The following PTGFRN variants were observed in gnomAD, a reference collection of about 807,000 sequenced individuals.
PTGFRN encodes the protein prostaglandin F2 receptor negative regulator.
A neutral mutation model predicts 83.2 loss-of-function variants in PTGFRN; 35 were observed. The ratio of observed to expected loss-of-function variants is 0.42; its 90% CI spans 0.32 to 0.56. The LOEUF is 0.56. PTGFRN is among the 20% of genes least tolerant of loss of function. The pLI, the probability that PTGFRN is intolerant of heterozygous loss-of-function variation, is 0.11. For missense variants in PTGFRN, 1,051 were observed against 1,179.5 expected (o/e 0.89, Z 1.60); for synonymous variants, 519 against 498.6 (o/e 1.04, Z -0.55).
At chr1:116,919,029 A>G (rs1649475295) in intron 1 of PTGFRN, among the ~76,000 whole-genome samples, 1 of 152,212 alleles carries the variant, frequency 6.6e-6, no homozygotes, top group African/African-American at 2.4e-5. Context: ...CTAGGAAAGT[A>G]GGAGGTGAGG....
Position 116,987,078 on chromosome 1 carries a change from A to G in PTGFRN, c.*111A>G. On this transcript the variant is annotated 3_prime_UTR_variant, in exon 9 of 9. Coordinates refer to ENST00000393203, the MANE Select transcript of PTGFRN (RefSeq NM_020440.4). ...TTACACTAAAAACCAGTCCTCTCTA[A>G]TCTCAGGTGGGACTTGGCGCTCTCT... 1.5e-6 allele frequency: 2 copies of G among 1,313,194 alleles called. No homozygotes were observed. Among genetic ancestry groups the G allele is most frequent in the Non-Finnish European group, 2.1e-6 (2 of 949,586 alleles). 81.3% of individuals were successfully genotyped at this position (1,313,194 alleles called of 1,614,324 possible).
At chr1:116,966,575 T>G (rs957497376) in intron 5 of PTGFRN, among the ~76,000 whole-genome samples, 2 of 152,208 alleles carry the variant, frequency 1.3e-5, no homozygotes, top group South Asian at 2.1e-4. Context: ...TATAGGAGTG[T>G]CCTCTGCCTT....
chr1:116,973,875 A>G (rs1424531827), intron 6 of PTGFRN, among the ~76,000 whole-genome samples: 2 of 152,190 alleles, frequency 1.3e-5, no homozygotes, highest in Non-Finnish European at 2.9e-5. Context: ...CTGGCCTAGA[A>G]GTGAACCATG....
Position 116,957,151 on chromosome 1 carries a change from CTGTGTGTG to C in PTGFRN, c.1214-4074_1214-4067del, listed in dbSNP as rs57827917. Among the ~76,000 whole-genome samples the C allele has an allele frequency of 1.4e-4, 20 of 146,912 alleles. 1 individual carries two copies. Among genetic ancestry groups the C allele is most frequent in the Middle Eastern group, 7.1e-3 (2 of 282 alleles). On this transcript the variant is annotated intron_variant, in intron 4 of 8. Transcript: ENST00000393203. ...TTTCTCTCTCTCTCTCGCTGGCTCGCTGTGTGTGTGTGTGTGTGTGTGTGTTTGTGTTT... is the reference window on the plus strand; with the variant it reads ...TTTCTCTCTCTCTCTCGCTGGCTCGCTGTGTGTGTGTGTGTGTTTGTGTTT...
At chr1:116,914,966 A>G (rs1452324485) in intron 1 of PTGFRN, among the ~76,000 whole-genome samples, 1 of 152,096 alleles carries the variant, frequency 6.6e-6, no homozygotes, top group African/African-American at 2.4e-5. Context: ...TCTGGTATTT[A>G]TTCCTCACAA....
chr1:116,950,389 A>G (rs1650311949), intron 4 of PTGFRN, among the ~76,000 whole-genome samples: 1 of 152,090 alleles, frequency 6.6e-6, no homozygotes, highest in Non-Finnish European at 1.5e-5. Context: ...CCCCACCTCC[A>G]TTATTACAGA....
chr1:116,939,756 C>G (rs900240731), intron 1 of PTGFRN, among the ~76,000 whole-genome samples: 1 of 152,198 alleles, frequency 6.6e-6, no homozygotes, highest in Non-Finnish European at 1.5e-5. Flanking sequence ...TGCTCTGCTT[C>G]CCTTATAAAA....
Position 116,944,686 on chromosome 1 carries a change from C to T in PTGFRN, c.426C>T (p.Ala142=), listed in dbSNP as rs889845385. 8 of 1,425,504 alleles carry T rather than the reference C, an allele frequency of 5.6e-6. No individual in the cohort carries two copies. The South Asian group carries it at 8.1e-5, about 14-fold the overall frequency. The allele number at this position is 1,425,504 out of a possible 1,614,324, so 88.3% of individuals were successfully genotyped here. ...AGCTTTCTCTCTCCGCAGTGCTGGC[C>T]GACTCCCTGCACGTGGGCCCCAGCG... ...YEDTVQVKVL[A]DSLHVGPSAR... is the part of the protein sequence containing the mutation. The change falls in exon 3 of 9, where the codon GCC becomes GCT. Residue 142 remains alanine (A), a synonymous_variant. Coordinates refer to ENST00000393203, the MANE Select transcript of PTGFRN (RefSeq NM_020440.4).
intron 4 of PTGFRN, among the ~76,000 whole-genome samples, chr1:116,953,804 T>C (rs1570663931): frequency 6.6e-6 from 1 of 151,690 alleles, no homozygotes; most frequent in East Asian, 1.9e-4. Context: ...CTTTTCCTTC[T>C]CTGGGAGGAG....
In PTGFRN at chr1:116,958,956, T is replaced by C. The variant is rs1250019582; in HGVS notation, c.1214-2287T>C. On this transcript the variant is annotated intron_variant, in intron 4 of 8. Transcript: ENST00000393203. This position sits in a 1 kb window ranked among gnomAD's most constrained non-coding sequence, Gnocchi z 4.9. ...ACTGCTGGCTGCTGCCTACAGATAG[T>C]TGATGCTCAGTGTTCTGGGGCAGTC... Among the ~76,000 whole-genome samples the C allele has an allele frequency of 1.3e-5, 2 of 152,222 alleles. No individual in the cohort carries two copies. The highest frequency in any genetic ancestry group is 2.9e-5 in the Non-Finnish European group (2 of 68,038).
chr1:116,980,967 A>G (rs1651301792), intron 7 of PTGFRN, among the ~76,000 whole-genome samples: 1 of 152,226 alleles, frequency 6.6e-6, no homozygotes, highest in Non-Finnish European at 1.5e-5. Flanking sequence ...CTATGAAGAC[A>G]TGCAGAGCAA....
intron 6 of PTGFRN, among the ~76,000 whole-genome samples, chr1:116,970,591 A>G (rs1650969345): frequency 6.6e-6 from 1 of 152,234 alleles, no homozygotes; most frequent in African/African-American, 2.4e-5. Context: ...AAATCTCAGC[A>G]TAACAGATAA....
intron 7 of PTGFRN, chr1:116,974,616 GTC>G: frequency 2.9e-6 from 1 of 339,556 alleles, no homozygotes; most frequent in Non-Finnish European, 5.3e-6. Flanking sequence ...CACTGGCAGA[GTC>G]TAGCTCCTTC....
At chr1:116,930,408 G>T (rs918706324) in intron 1 of PTGFRN, among the ~76,000 whole-genome samples, 1 of 151,932 alleles carries the variant, frequency 6.6e-6, no homozygotes, top group Non-Finnish European at 1.5e-5. Context: ...TGGTGTCATC[G>T]ACTCCCACGT....
intron 1 of PTGFRN, among the ~76,000 whole-genome samples, chr1:116,910,613 C>A (rs1649243412): frequency 6.6e-6 from 1 of 151,966 alleles, no homozygotes; most frequent in Non-Finnish European, 1.5e-5. Context: ...GAAGGTGCTG[C>A]GGTCCCGGCC....
intron 4 of PTGFRN, among the ~76,000 whole-genome samples, chr1:116,950,423 T>A (rs966081661): frequency 1.4e-5 from 2 of 147,224 alleles, no homozygotes; most frequent in African/African-American, 4.9e-5. Flanking sequence ...TTTCATCACA[T>A]TCCCCCCTGT....
chr1:116,960,414 A>T (rs1650618376), intron 4 of PTGFRN, among the ~76,000 whole-genome samples: 1 of 152,154 alleles, frequency 6.6e-6, no homozygotes, highest in South Asian at 2.1e-4. Flanking sequence ...GAAATGGATT[A>T]AATTGATGCA....
rs748277067 is a variant in PTGFRN at position 116,910,125 on chromosome 1, A to G, written c.-79A>G. On this transcript the variant is annotated 5_prime_UTR_variant, in exon 1 of 9. Transcript: ENST00000393203. Reference sequence around the variant, plus strand: ...GGCGGAGGAGCGCCGACTCTGGAGCAGCCGGAGCTGGAAGAGGAGGAGGAG... The same window carrying G: ...GGCGGAGGAGCGCCGACTCTGGAGCGGCCGGAGCTGGAAGAGGAGGAGGAG... 13 of 1,453,180 alleles carry G rather than the reference A, an allele frequency of 8.9e-6. No homozygotes were observed. Among genetic ancestry groups the G allele is most frequent in the South Asian group, 7.3e-5 (6 of 81,994 alleles). 90.0% of individuals were successfully genotyped at this position (1,453,180 alleles called of 1,614,324 possible).
intron 1 of PTGFRN, among the ~76,000 whole-genome samples, chr1:116,911,433 C>G (rs955112193): frequency 6.6e-6 from 1 of 152,184 alleles, no homozygotes; most frequent in South Asian, 2.1e-4. Context: ...ACACCGGGGC[C>G]CACACTGCTG....
Sources: gnomAD v4.1 joint callset for allele counts (sites outside exome capture counted in the v4.1 genomes callset) on GRCh38, gnomAD v4.1.1 for gene constraint, Gnocchi (gnomAD v3.1) non-coding constraint, MANE v1.5 for transcripts, NCBI Gene and HGNC (gene_info 2026-07-23, HGNC 2026-07-21) for gene names.